The following CDC42BPA variants were observed in gnomAD, a reference collection of about 807,000 sequenced individuals.
CDC42BPA encodes the protein serine/threonine-protein kinase MRCK alpha.
In CDC42BPA, 80 loss-of-function variants were observed where a neutral mutation model predicts 223.5. The observed-to-expected ratio is 0.36, with a 90% confidence interval of 0.30 to 0.43. CDC42BPA has a LOEUF of 0.43. CDC42BPA is among the 20% of genes least tolerant of loss of function. CDC42BPA has a pLI of 1.00. For missense variants in CDC42BPA, 1,743 were observed against 2,099.9 expected (o/e 0.83, Z 3.32); for synonymous variants, 694 against 718.6 (o/e 0.97, Z 0.55).
At chr1:227,037,085 T>C (rs1451323547) in intron 24 of CDC42BPA, among the ~76,000 whole-genome samples, 3 of 152,152 alleles carry the variant, frequency 2.0e-5, no homozygotes, top group Non-Finnish European at 4.4e-5. Flanking sequence ...TTGTGGTGCA[T>C]AAAAAATGAC....
In CDC42BPA at chr1:227,081,034, A is replaced by T; in HGVS notation, c.2356-17T>A. 6.2e-7 allele frequency: 1 copy of T among 1,612,696 alleles called. No homozygotes were observed. Reference sequence around the variant, plus strand: ...AGTAGTAAGCTGAAAGATAGTTTTAAGACATGCATGACTTTTAGGACCAAG... The same window carrying T: ...AGTAGTAAGCTGAAAGATAGTTTTATGACATGCATGACTTTTAGGACCAAG... On this transcript the variant is annotated splice_polypyrimidine_tract_variant and intron_variant, in intron 16 of 36. Coordinates refer to ENST00000366766, the MANE Select transcript of CDC42BPA (RefSeq NM_001394014.1).
chr1:227,064,951 GC>G (rs1676686529), intron 21 of CDC42BPA, among the ~76,000 whole-genome samples: 1 of 151,962 alleles, frequency 6.6e-6, no homozygotes, highest in African/African-American at 2.4e-5. Context: ...CAAAAAATTA[GC>G]CGGGCGTGGT....
At chr1:227,112,560 T>C (rs918817377) in intron 13 of CDC42BPA, 111 bp downstream of exon 13, 4 of 948,408 alleles carry the variant, frequency 4.2e-6, no homozygotes, top group Non-Finnish European at 5.7e-6. Flanking sequence ...ATTAATGAAC[T>C]ATAAAAATAA....
chr1:227,293,954 T>A (rs1338470608), intron 1 of CDC42BPA, among the ~76,000 whole-genome samples: 2 of 152,038 alleles, frequency 1.3e-5, no homozygotes, highest in Admixed American at 1.3e-4. Context: ...TAACACCAAA[T>A]AAATGGAAGT....
intron 15 of CDC42BPA, among the ~76,000 whole-genome samples, chr1:227,092,235 G>C (rs539598403): frequency 4.5e-4 from 68 of 152,242 alleles, no homozygotes; most frequent in African/African-American, 1.6e-3. Flanking sequence ...GTGCTTACTA[G>C]GTGCCAAGGA....
chr1:227,266,153 T>A (rs1446242049), intron 1 of CDC42BPA, among the ~76,000 whole-genome samples: 1 of 152,220 alleles, frequency 6.6e-6, no homozygotes, highest in East Asian at 1.9e-4. Context: ...TATATGCCAG[T>A]ATAATTGGTA....
intron 15 of CDC42BPA, among the ~76,000 whole-genome samples, chr1:227,097,868 G>A (rs1009461772): frequency 4.6e-5 from 7 of 152,134 alleles, no homozygotes; most frequent in African/African-American, 1.7e-4. Flanking sequence ...ATCAGAGAAG[G>A]GATGCAACCC....
chr1:227,116,588 C>T (rs938344008), intron 12 of CDC42BPA, among the ~76,000 whole-genome samples: 2 of 152,074 alleles, frequency 1.3e-5, no homozygotes, highest in Admixed American at 6.6e-5. Context: ...AAATGAAAGT[C>T]TTTTCTGTAT....
At chr1:227,253,267 A>C (rs965377346) in intron 2 of CDC42BPA, among the ~76,000 whole-genome samples, 2 of 148,056 alleles carry the variant, frequency 1.4e-5, no homozygotes, top group Non-Finnish European at 3.0e-5. Context: ...AGCGAGAGAG[A>C]GCGCGCGCGC....
intron 5 of CDC42BPA, among the ~76,000 whole-genome samples, chr1:227,177,083 A>C (rs557878329): frequency 6.6e-5 from 10 of 150,524 alleles, no homozygotes; most frequent in Admixed American, 4.6e-4. Context: ...TCAATATCCC[A>C]AAAAACAACT....
At position 227,133,181 on chromosome 1, in the gene CDC42BPA, G is replaced by A. The variant is rs532629980; in HGVS notation, c.1391-3950C>T. Among the ~76,000 whole-genome samples, 81 of 149,652 alleles carry A rather than the reference G, an allele frequency of 5.4e-4. 1 individual carries two copies. The highest frequency in any genetic ancestry group is 9.8e-4 in the Non-Finnish European group (66 of 67,340). On this transcript the variant is annotated intron_variant, in intron 10 of 36. Transcript: ENST00000366766. ...CTACTGGGAACTGAGGAACCCCTCTGCCTGGCCGGCTGCCCCGTCTGGGAG... is the reference window on the plus strand; with the variant it reads ...CTACTGGGAACTGAGGAACCCCTCTACCTGGCCGGCTGCCCCGTCTGGGAG...
chr1:227,157,619 T>C (rs1663051612), intron 6 of CDC42BPA, among the ~76,000 whole-genome samples: 1 of 152,196 alleles, frequency 6.6e-6, no homozygotes, highest in Admixed American at 6.5e-5. Flanking sequence ...GAGTTTTTCA[T>C]CACATTTGGG....
At chr1:227,041,147 A>AT (rs988865391) in intron 23 of CDC42BPA, among the ~76,000 whole-genome samples, 14 of 152,124 alleles carry the variant, frequency 9.2e-5, no homozygotes, top group African/African-American at 2.9e-4. Flanking sequence ...ACTCAAAAAA[A>AT]AATAATTTCA....
chr1:227,309,738 A>G (rs1015719231), intron 1 of CDC42BPA, among the ~76,000 whole-genome samples: 42 of 152,238 alleles, frequency 2.8e-4, no homozygotes, highest in African/African-American at 9.9e-4. Context: ...ATGCCTACAC[A>G]TAAAGAAAAG....
At chr1:227,205,303 T>TAC in intron 3 of CDC42BPA, among the ~76,000 whole-genome samples, 1 of 118,600 alleles carries the variant, frequency 8.4e-6, no homozygotes, top group African/African-American at 3.1e-5. Context: ...TATATATATA[T>TAC]ATACACACAC....
chr1:227,309,950 T>C lies in CDC42BPA; in HGVS notation c.178+7055A>G, dbSNP rs565598462. On this transcript the variant is annotated intron_variant, in intron 1 of 36. Transcript: ENST00000366766. ...AATTTATCTTTCAGTGCACATGACT[T>C]TCACACAGAAAATGAAGTTCACAGC... Among the ~76,000 whole-genome samples the C allele has an allele frequency of 3.3e-5, 5 of 152,300 alleles. No individual in the cohort carries two copies. In the South Asian group the frequency reaches 1.0e-3, roughly 32 times the overall value.
chr1:227,093,687 C>T (rs1266258982), intron 15 of CDC42BPA, among the ~76,000 whole-genome samples: 1 of 152,188 alleles, frequency 6.6e-6, no homozygotes, highest in African/African-American at 2.4e-5. Flanking sequence ...TGTTCCCTCT[C>T]CTGATTTTTC....
chr1:227,087,669 T>C (rs1200523982), intron 16 of CDC42BPA, among the ~76,000 whole-genome samples: 4 of 152,234 alleles, frequency 2.6e-5, no homozygotes, highest in Non-Finnish European at 5.9e-5. Context: ...ACATAGTTTA[T>C]CTCTCCATTT....
rs75557950 is a variant in CDC42BPA, at chr1:227,120,171, GA to G, written c.1514-235del. ...CAACAATGCCTTACATACTCATTAG[GA>G]AAAAAAAAAAAAGCATGCTTCCAAA... On this transcript the variant is annotated intron_variant, in intron 11 of 36. Coordinates refer to ENST00000366766, the MANE Select transcript of CDC42BPA (RefSeq NM_001394014.1). Among the ~76,000 whole-genome samples, 833 of 126,118 alleles carry G rather than the reference GA, an allele frequency of 6.6e-3. 1 individual carries two copies. The highest frequency in any genetic ancestry group is 0.02 in the Middle Eastern group (5 of 252). 82.7% of individuals were successfully genotyped at this position (126,118 alleles called of 152,430 possible).
Sources: allele counts gnomAD v4.1 joint callset (sites outside exome capture counted in the v4.1 genomes callset), GRCh38; gene constraint gnomAD v4.1.1; transcripts MANE v1.5; gene names NCBI Gene and HGNC (gene_info 2026-07-23, HGNC 2026-07-21).